The following ZER1 variants were observed in gnomAD, a reference collection of about 807,000 sequenced individuals.
ZER1 encodes the protein protein zer-1 homolog.
A neutral mutation model predicts 78.8 loss-of-function variants in ZER1; 11 were observed. The observed-to-expected ratio is 0.14, with a 90% CI of 0.09 to 0.23. The LOEUF (loss-of-function observed/expected upper bound fraction) is 0.23, where lower values mean the gene tolerates loss of function less well. Among genes scored for constraint, ZER1 ranks in the 10% least tolerant of loss-of-function variants. ZER1 has a pLI of 1.00. For synonymous variants in ZER1, 400 were observed against 407.0 expected, an observed-to-expected ratio of 0.98 and a Z score of 0.21; for missense variants, 588 against 996.9, an observed-to-expected ratio of 0.59 and a Z score of 5.52.
intron 13 of ZER1, among the ~76,000 whole-genome samples, chr9:128,735,846 C>T (rs1311817276): frequency 1.4e-5 from 2 of 141,742 alleles, no homozygotes; most frequent in Non-Finnish European, 3.0e-5. Context: ...GGTGCAATCT[C>T]CACTCACTGC....
At chr9:128,770,540 T>C (rs1047177364) in intron 1 of ZER1, among the ~76,000 whole-genome samples, 4 of 152,214 alleles carry the variant, frequency 2.6e-5, no homozygotes, top group Non-Finnish European at 5.9e-5. Context: ...AAAGGTCACC[T>C]TACTAGAGAC....
intron 1 of ZER1, among the ~76,000 whole-genome samples, chr9:128,770,972 C>T (rs1192522287): frequency 6.6e-6 from 1 of 152,128 alleles, no homozygotes; most frequent in African/African-American, 2.4e-5. Flanking sequence ...GAGTTCGAGA[C>T]CAGCTTGGGT....
In ZER1 at chr9:128,741,785, G is replaced by C. The variant is rs1166174557; in HGVS notation, c.1617+15C>G. Reference sequence around the variant, plus strand: ...TGGGGAAAGGGTAGCGTGGCTTCGTGAAGACTTGACTTACTGTCTTGTCCA... The same window carrying C: ...TGGGGAAAGGGTAGCGTGGCTTCGTCAAGACTTGACTTACTGTCTTGTCCA... On this transcript the variant is annotated intron_variant, in intron 10 of 15. Transcript: ENST00000291900. The C allele has an allele frequency of 6.2e-7, 1 of 1,614,184 alleles. No individual in the cohort carries two copies. Among genetic ancestry groups the C allele is most frequent in the Non-Finnish European group, 8.5e-7 (1 of 1,180,030 alleles).
chr9:128,750,979 T>A, intron 7 of ZER1, 143 bp downstream of exon 7: 1 of 1,394,192 alleles, frequency 7.2e-7, no homozygotes, highest in Non-Finnish European at 9.6e-7. Context: ...TCAAGTGCTG[T>A]GAGGCCCAGG....
At chr9:128,731,937 C>T (rs1405022077) in intron 15 of ZER1, among the ~76,000 whole-genome samples, 2 of 152,218 alleles carry the variant, frequency 1.3e-5, no homozygotes, top group African/African-American at 4.8e-5. Context: ...TCGAGTCTCG[C>T]CCGCCCCAGC....
In ZER1 at chr9:128,753,201, C is replaced by A; in HGVS notation, c.709G>T (p.Asp237Tyr). The change falls in exon 4 of 16, where the codon GAC becomes TAC. Residue 237 changes from aspartate (D) to tyrosine (Y), a missense_variant. By Grantham distance (160) the Asp-to-Tyr change is radical. Transcript: ENST00000291900. This position sits in a 1 kb window ranked among gnomAD's most constrained non-coding sequence, Gnocchi z 7.5. Reference protein sequence around the residue: ...LVLYNMDLSDDHIRVIVQLHK... With the variant: ...LVLYNMDLSDYHIRVIVQLHK... ...AGCTGCACGATGACCCGGATGTGGT[C>A]GTCGGACAGGTCCATGTTGTAGAGG... The A allele has an allele frequency of 8.3e-6, 13 of 1,570,000 alleles. No individual in the cohort carries two copies. Among genetic ancestry groups the A allele is most frequent in the Non-Finnish European group, 1.1e-5 (13 of 1,157,628 alleles).
rs1178439164 is a variant in ZER1 at position 128,741,669 on chromosome 9, C to T, written c.1618-15G>A. The T allele has an allele frequency of 6.2e-7, 1 of 1,613,966 alleles. No individual in the cohort carries two copies. ...ACCTGGTCACACTGTGAGGGCAGGG[C>T]AGGGCTCAGCCAAGGCTCCTGGTAC... On this transcript the variant is annotated splice_polypyrimidine_tract_variant and intron_variant, in intron 10 of 15. Coordinates refer to ENST00000291900, the MANE Select transcript of ZER1 (RefSeq NM_006336.4).
At chr9:128,771,954 C>G (rs1420889503), upstream of ZER1, 1 of 152,392 alleles carries the variant, frequency 6.6e-6, no homozygotes, top group East Asian at 1.9e-4. Context: ...GGGGCCGCCC[C>G]TTAGCAACAG....
At chr9:128,764,968 C>T (rs762899588) in intron 1 of ZER1, among the ~76,000 whole-genome samples, 1 of 152,168 alleles carries the variant, frequency 6.6e-6, no homozygotes, top group Non-Finnish European at 1.5e-5. Context: ...CCAGCAGCAG[C>T]AGCAGCAGAA....
rs553955210 is a variant in ZER1 at position 128,744,872 on chromosome 9, T to C, written c.1360-2127A>G. Among the ~76,000 whole-genome samples the C allele has an allele frequency of 4.6e-5, 7 of 152,340 alleles. No homozygotes were observed. In the East Asian group the frequency reaches 1.3e-3, roughly 29 times the overall value. ...GCATTCATTTTTCATTACAGTATAG[T>C]ATTCCATCATGACACCCCAATTTTT... On this transcript the variant is annotated intron_variant, in intron 8 of 15. Coordinates refer to ENST00000291900, the MANE Select transcript of ZER1 (RefSeq NM_006336.4).
At position 128,766,553 on chromosome 9, in the gene ZER1, G is replaced by A. The variant is rs748665221; in HGVS notation, c.-95+5028C>T. On this transcript the variant is annotated intron_variant, in intron 1 of 15. Transcript: ENST00000291900. ...CACAGGTAGTTCATTAGTTCAAGAC[G>A]CAGTGTGTCAGGCTGGGCACAGTGG... Among the ~76,000 whole-genome samples the A allele has an allele frequency of 7.9e-5, 12 of 151,724 alleles. No individual in the cohort carries two copies. In the East Asian group the frequency reaches 9.8e-4, roughly 12 times the overall value.
intron 8 of ZER1, among the ~76,000 whole-genome samples, chr9:128,743,242 T>C (rs1378333750): frequency 6.6e-6 from 1 of 151,672 alleles, no homozygotes; most frequent in African/African-American, 2.4e-5. Flanking sequence ...CTCAGCCTCC[T>C]GAGTAGCTGG....
Position 128,741,788 on chromosome 9 carries a change from G to A in ZER1, c.1617+12C>T. 1 of 1,614,200 alleles carries A rather than the reference G, an allele frequency of 6.2e-7. No homozygotes were observed. The highest frequency in any genetic ancestry group is 8.5e-7 in the Non-Finnish European group (1 of 1,180,034). ...GGAAAGGGTAGCGTGGCTTCGTGAA[G>A]ACTTGACTTACTGTCTTGTCCAGCA... On this transcript the variant is annotated intron_variant, in intron 10 of 15. Transcript: ENST00000291900.
Position 128,771,846 on chromosome 9 carries a change from C to T in ZER1, c.-360G>A, listed in dbSNP as rs1208938052. On this transcript the variant is annotated 5_prime_UTR_variant, in exon 1 of 16. Transcript: ENST00000291900. ...CTTAGGGCTGCCGGCGGGGCTGAGG[C>T]TCCTGGGCCCGGCCCCTCCCCCGAT... 6.6e-6 allele frequency: 1 copy of T among 152,174 alleles called. No homozygotes were observed. Among genetic ancestry groups the T allele is most frequent in the Non-Finnish European group, 1.5e-5 (1 of 68,008 alleles). The allele number at this position is 152,174 out of a possible 1,614,324, so 9.4% of individuals were successfully genotyped here. A position where few individuals can be genotyped will look rare whatever the true frequency, so the allele number is the denominator to read the frequency against.
chr9:128,754,045 T>C lies in ZER1; in HGVS notation c.159-86A>G. The C allele has an allele frequency of 2.0e-6, 3 of 1,493,448 alleles. No homozygotes were observed. The highest frequency in any genetic ancestry group is 2.8e-5 in the African/African-American group (2 of 71,466). The allele number at this position is 1,493,448 out of a possible 1,614,324, so 92.5% of individuals were successfully genotyped here. A position where few individuals can be genotyped will look rare whatever the true frequency, so the allele number is the denominator to read the frequency against. On this transcript the variant is annotated intron_variant, in intron 2 of 15. Transcript: ENST00000291900. The surrounding 1 kb of genome is among the most constrained non-coding windows in gnomAD (Gnocchi z 4.3). ...AGCCAAGCCCTCCTCCCCCTGAAGC[T>C]TTCTTGGATCACCCCAAGTAGCAAC...
Position 128,751,431 on chromosome 9 carries a change from C to A in ZER1, c.1020G>T (p.Thr340=), listed in dbSNP as rs111953295. 2 of 1,614,088 alleles carry A rather than the reference C, an allele frequency of 1.2e-6. No individual in the cohort carries two copies. The highest frequency in any genetic ancestry group is 1.3e-5 in the African/African-American group (1 of 75,040). Reference sequence around the variant, plus strand: ...TGCTCACTTTGTAGGCTGGAATGTGCGTGAGGCGGCACAGAGAGTTCTCAA... The same window carrying A: ...TGCTCACTTTGTAGGCTGGAATGTGAGTGAGGCGGCACAGAGAGTTCTCAA... ...GLFENSLCRL[T]HIPAYKVSGD... is the part of the protein sequence containing the mutation. Residue 340 remains threonine (T), a synonymous_variant, in exon 6 of 16, where the codon ACG becomes ACT. Coordinates refer to ENST00000291900, the MANE Select transcript of ZER1 (RefSeq NM_006336.4). The surrounding 1 kb of genome is among the most constrained non-coding windows in gnomAD (Gnocchi z 5.4).
intron 13 of ZER1, among the ~76,000 whole-genome samples, chr9:128,739,130 G>A (rs1417332768): frequency 1.3e-5 from 2 of 151,902 alleles, no homozygotes; most frequent in Non-Finnish European, 2.9e-5. Flanking sequence ...GATTACAGGC[G>A]TGAACCACTG....
At chr9:128,741,169 A>G (rs1238373603) in intron 11 of ZER1, among the ~76,000 whole-genome samples, 5 of 152,232 alleles carry the variant, frequency 3.3e-5, no homozygotes, top group African/African-American at 1.2e-4. Context: ...ATACTAGTTT[A>G]AGGGACCCTC....
At chr9:128,742,443 C>A in intron 9 of ZER1, 87 bp downstream of exon 9, 1 of 1,501,106 alleles carries the variant, frequency 6.7e-7, no homozygotes, top group Non-Finnish European at 9.2e-7. Flanking sequence ...CAGCCCCAGG[C>A]CCTGCTCTGA....
Sources: allele counts gnomAD v4.1 joint callset (sites outside exome capture counted in the v4.1 genomes callset), GRCh38; gene constraint gnomAD v4.1.1; non-coding constraint Gnocchi (gnomAD v3.1); transcripts MANE v1.5; gene names NCBI Gene and HGNC (gene_info 2026-07-23, HGNC 2026-07-21).